The following FGGY variants were observed in gnomAD, a reference collection of about 807,000 sequenced individuals.
FGGY encodes the protein FGGY carbohydrate kinase domain containing, also known as FGGY carbohydrate kinase domain-containing protein.
FGGY carries 72 observed loss-of-function variants against 71.3 expected under a neutral mutation model. The observed-to-expected ratio is 1.01, with a 90% confidence interval of 0.84 to 1.23. FGGY has a LOEUF of 1.23. FGGY is among the 50% of genes most tolerant of loss of function. FGGY has a pLI of 0.00. For synonymous variants in FGGY, 251 were observed against 250.3 expected (o/e 1.00, Z -0.02); for missense variants, 668 against 682.3 (o/e 0.98, Z 0.23).
intron 9 of FGGY, among the ~76,000 whole-genome samples, chr1:59,621,238 C>T (rs1245443129): frequency 6.6e-6 from 1 of 152,030 alleles, no homozygotes; most frequent in Non-Finnish European, 1.5e-5. Flanking sequence ...AATACAGTCA[C>T]ATTTGGGATT....
chr1:59,422,423 G>A (rs940361027), intron 5 of FGGY, among the ~76,000 whole-genome samples: 1 of 152,188 alleles, frequency 6.6e-6, no homozygotes, highest in African/African-American at 2.4e-5. Context: ...GCTGGGCGTG[G>A]TGATTCACGC....
intron 14 of FGGY, among the ~76,000 whole-genome samples, chr1:59,736,674 G>A (rs1174802275): frequency 6.6e-6 from 1 of 152,204 alleles, no homozygotes; most frequent in Non-Finnish European, 1.5e-5. Context: ...AAAGCATTGA[G>A]GAGGTGACTT....
At chr1:59,331,453 A>G (rs756285076) in intron 2 of FGGY, among the ~76,000 whole-genome samples, 36 of 152,076 alleles carry the variant, frequency 2.4e-4, no homozygotes, top group Middle Eastern at 3.4e-3. Flanking sequence ...TCCCCCTCCC[A>G]GGACCTCTGC....
intron 8 of FGGY, among the ~76,000 whole-genome samples, chr1:59,590,136 A>G (rs1404262035): frequency 6.6e-6 from 1 of 152,186 alleles, no homozygotes; most frequent in Non-Finnish European, 1.5e-5. Context: ...AATACAAACC[A>G]CCATCAGAGA....
At chr1:59,321,804 C>A in intron 2 of FGGY, 54 bp downstream of exon 2, 1 of 1,535,962 alleles carries the variant, frequency 6.5e-7, no homozygotes, top group Admixed American at 1.9e-5. Context: ...TGCTGAGTGT[C>A]GTGTGTCAAT....
chr1:59,563,753 A>C (rs1054401382), intron 8 of FGGY, among the ~76,000 whole-genome samples: 3 of 152,232 alleles, frequency 2.0e-5, no homozygotes, highest in African/African-American at 4.8e-5. Context: ...AGCCAAAAGA[A>C]CAAAGCTAGA....
At chr1:59,366,499 A>G (rs1418085001) in intron 4 of FGGY, among the ~76,000 whole-genome samples, 1 of 152,098 alleles carries the variant, frequency 6.6e-6, no homozygotes, top group African/African-American at 2.4e-5. Flanking sequence ...GTCTGTGATT[A>G]CTCATTAGAG....
intron 7 of FGGY, among the ~76,000 whole-genome samples, chr1:59,538,851 G>C (rs1238712027): frequency 1.7e-5 from 2 of 120,462 alleles, no homozygotes; most frequent in African/African-American, 3.1e-5. Context: ...GTTGTGGGGT[G>C]GGGGGAGGGG....
In FGGY at chr1:59,610,378, C is replaced by T. The variant is rs182589091; in HGVS notation, c.1011+2468C>T. ...GTTAGTTTGCTGAGGATGATGGCTT[C>T]CAGCTTCATCCATGTCCCTGCAAAG... is the stretch of plus-strand genomic sequence containing the variant. On this transcript the variant is annotated intron_variant, in intron 9 of 15. Coordinates refer to ENST00000303721, the MANE Select transcript of FGGY (RefSeq NM_018291.5). Among the ~76,000 whole-genome samples, 347 of 152,312 alleles carry T rather than the reference C, an allele frequency of 2.3e-3. 4 individuals carry two copies. Among genetic ancestry groups the T allele is most frequent in the African/African-American group, 7.9e-3 (327 of 41,562 alleles).
chr1:59,686,876 T>TA (rs1336246336), intron 14 of FGGY, among the ~76,000 whole-genome samples: 2 of 152,152 alleles, frequency 1.3e-5, no homozygotes, highest in Non-Finnish European at 2.9e-5. Flanking sequence ...TTGTGAAAAT[T>TA]AAATGAGATG....
intron 9 of FGGY, among the ~76,000 whole-genome samples, chr1:59,623,477 A>G (rs1170487246): frequency 6.6e-6 from 1 of 152,200 alleles, no homozygotes; most frequent in East Asian, 1.9e-4. Context: ...ACATGGTGCT[A>G]TCTGTGTTTT....
chr1:59,578,146 A>AGGAAAAGGTGTGTGGGTCCAGCAAG (rs2096117901), intron 8 of FGGY, among the ~76,000 whole-genome samples: 3 of 152,156 alleles, frequency 2.0e-5, no homozygotes, highest in African/African-American at 7.2e-5. Context: ...AGTGAAGACA[A>AGGAAAAGGTGTGTGGGTCCAGCAAG]GGAAAAGGTG....
intron 5 of FGGY, among the ~76,000 whole-genome samples, chr1:59,438,749 G>C (rs552629246): frequency 7.2e-5 from 11 of 152,276 alleles, no homozygotes. Flanking sequence ...TTTCAATTGA[G>C]GGGGAAAATA....
intron 7 of FGGY, among the ~76,000 whole-genome samples, chr1:59,529,525 T>G (rs1290955861): frequency 3.9e-5 from 6 of 152,170 alleles, no homozygotes; most frequent in Admixed American, 3.3e-4. Context: ...ATAACATAAA[T>G]GGAGGCACTG....
intron 7 of FGGY, chr1:59,553,919 A>G (rs928064258): frequency 4.5e-6 from 2 of 444,168 alleles, no homozygotes; most frequent in Non-Finnish European, 8.1e-6. Flanking sequence ...GACCAGAACA[A>G]AGCAAAATCT....
rs77593045 is a variant in FGGY, at chr1:59,398,918, T to C, written c.554+20081T>C. Among the ~76,000 whole-genome samples, 510 of 152,334 alleles carry C rather than the reference T, an allele frequency of 3.3e-3. 1 individual carries two copies. Among genetic ancestry groups the C allele is most frequent in the African/African-American group, 0.011 (476 of 41,576 alleles). ...TATCCCTGCTATTCCCAAAACATGT[T>C]TGTGGCAATGTATGTGGCTTCAAAA... On this transcript the variant is annotated intron_variant, in intron 5 of 15. Coordinates refer to ENST00000303721, the MANE Select transcript of FGGY (RefSeq NM_018291.5).
intron 9 of FGGY, among the ~76,000 whole-genome samples, chr1:59,616,491 G>A (rs994440397): frequency 1.3e-5 from 2 of 152,078 alleles, no homozygotes; most frequent in Non-Finnish European, 2.9e-5. Flanking sequence ...TGGGGTGAGG[G>A]GAGTGGAGAG....
At chr1:59,500,221 A>C (rs1246935943) in intron 6 of FGGY, among the ~76,000 whole-genome samples, 1 of 152,200 alleles carries the variant, frequency 6.6e-6, no homozygotes, top group Non-Finnish European at 1.5e-5. Context: ...TTTCAGACAT[A>C]TCCTTCCTTT....
intron 1 of FGGY, among the ~76,000 whole-genome samples, chr1:59,316,530 C>A (rs2045485039): frequency 6.6e-6 from 1 of 152,150 alleles, no homozygotes; most frequent in Non-Finnish European, 1.5e-5. Flanking sequence ...TTCCAGGTCC[C>A]CTTTTCCTTT....
Sources: gnomAD v4.1 joint callset for allele counts (sites outside exome capture counted in the v4.1 genomes callset) on GRCh38, gnomAD v4.1.1 for gene constraint, MANE v1.5 for transcripts, NCBI Gene and HGNC (gene_info 2026-07-23, HGNC 2026-07-21) for gene names.